The following PREX2 variants were observed in gnomAD, a reference collection of about 807,000 sequenced individuals.
PREX2 encodes phosphatidylinositol 3,4,5-trisphosphate-dependent Rac exchanger 2 protein.
PREX2 carries 107 observed loss-of-function variants against 203.2 expected under a neutral mutation model. The observed-to-expected ratio is 0.53, with a 90% CI of 0.45 to 0.62. The LOEUF is 0.62. Among genes scored for constraint, PREX2 ranks in the 20% least tolerant of loss-of-function variants. The pLI, the probability that PREX2 is intolerant of heterozygous loss-of-function variation, is 0.00. For missense variants in PREX2, 1,777 were observed against 1,955.9 expected (o/e 0.91, Z 1.72); for synonymous variants, 672 against 663.6 (o/e 1.01, Z -0.19).
intron 1 of PREX2, among the ~76,000 whole-genome samples, chr8:67,975,119 T>G (rs1398677556): frequency 6.6e-6 from 1 of 152,110 alleles, no homozygotes; most frequent in African/African-American, 2.4e-5. Flanking sequence ...GAATGGATGA[T>G]TTTTATTTTG....
chr8:68,009,120 A>G (rs1340019578), intron 1 of PREX2, among the ~76,000 whole-genome samples: 4 of 152,178 alleles, frequency 2.6e-5, no homozygotes, highest in East Asian at 3.9e-4. Flanking sequence ...GCAGCGACAG[A>G]TCTTCAGGTT....
chr8:68,131,443 A>G (rs922372055), intron 31 of PREX2, among the ~76,000 whole-genome samples: 1 of 152,220 alleles, frequency 6.6e-6, no homozygotes, highest in Admixed American at 6.5e-5. Flanking sequence ...CTGAGGCCCC[A>G]GCTTGGATCC....
chr8:67,952,701 TG>T, intron 1 of PREX2, 166 bp downstream of exon 1: 1 of 939,664 alleles, frequency 1.1e-6, no homozygotes, highest in Non-Finnish European at 1.6e-6. Context: ...GCGGGCGCGG[TG>T]ACCCCCGCGG....
intron 1 of PREX2, among the ~76,000 whole-genome samples, chr8:67,987,216 C>T (rs1806459882): frequency 6.7e-6 from 1 of 149,158 alleles, no homozygotes; most frequent in Admixed American, 6.7e-5. Flanking sequence ...TTTCTTTGCT[C>T]CTTTTTCAAG....
At chr8:68,088,640 T>C (rs985721588) in intron 19 of PREX2, among the ~76,000 whole-genome samples, 2 of 149,424 alleles carry the variant, frequency 1.3e-5, no homozygotes, top group Admixed American at 6.8e-5. Context: ...TTCATTATTG[T>C]ATGTATGATA....
chr8:68,006,300 T>G (rs372047069), intron 1 of PREX2, among the ~76,000 whole-genome samples: 45 of 152,342 alleles, frequency 3.0e-4, no homozygotes, highest in African/African-American at 1.1e-3. Flanking sequence ...CCCGCTGAGA[T>G]GCAGTATAAC....
chr8:68,087,732 A>C lies in PREX2; in HGVS notation c.2036A>C (p.Lys679Thr). The C allele has an allele frequency of 6.2e-7, 1 of 1,613,022 alleles. No individual in the cohort carries two copies. The highest frequency in any genetic ancestry group is 8.5e-7 in the Non-Finnish European group (1 of 1,179,010). The change falls in exon 19 of 40, where the codon AAA becomes ACA. Residue 679 changes from lysine to threonine, a missense_variant. Transcript: ENST00000288368. ...TTTTCTGATTGATTTAGGACAGTGA[A>C]AATTCCAGATTCAGCTGATGGACTT... ...LVSTKPRETV[K>T]IPDSADGLGF...
chr8:68,017,977 G>T, intron 2 of PREX2, 60 bp downstream of exon 2: 1 of 1,311,404 alleles, frequency 7.6e-7, no homozygotes, highest in Non-Finnish European at 1.1e-6. Context: ...AAATTTTGCT[G>T]GTGCCATGGT....
intron 1 of PREX2, among the ~76,000 whole-genome samples, chr8:68,011,809 G>T (rs1807272455): frequency 6.6e-6 from 1 of 152,116 alleles, no homozygotes; most frequent in African/African-American, 2.4e-5. Context: ...GCTGAGCTGT[G>T]AGATGAGTTT....
At chr8:68,034,894 G>T (rs1807985250) in intron 6 of PREX2, among the ~76,000 whole-genome samples, 1 of 152,064 alleles carries the variant, frequency 6.6e-6, no homozygotes, top group Admixed American at 6.6e-5. Context: ...TCTACCTTGA[G>T]ATAGAATTGA....
chr8:68,192,218 T>C lies in PREX2; in HGVS notation c.4414-117T>C. ...ATTATAAATATTAGTAGTCTCTAAT[T>C]CCATTACCACCAAAATGAAATAAAA... On this transcript the variant is annotated intron_variant, in intron 36 of 39. Coordinates refer to ENST00000288368, the MANE Select transcript of PREX2 (RefSeq NM_024870.4). 4 of 739,212 alleles carry C rather than the reference T, an allele frequency of 5.4e-6. No individual in the cohort carries two copies. In the South Asian group the frequency reaches 6.1e-5, roughly 11 times the overall value. The allele number at this position is 739,212 out of a possible 1,614,324, so 45.8% of individuals were successfully genotyped here. A position where few individuals can be genotyped will look rare whatever the true frequency, so the allele number is the denominator to read the frequency against.
At chr8:68,095,414 G>T (rs560814535) in intron 21 of PREX2, among the ~76,000 whole-genome samples, 1 of 152,134 alleles carries the variant, frequency 6.6e-6, no homozygotes. Flanking sequence ...AAAGGGGCTT[G>T]TTATAAATAA....
intron 35 of PREX2, among the ~76,000 whole-genome samples, chr8:68,177,403 A>C (rs892577491): frequency 2.6e-5 from 4 of 152,166 alleles, no homozygotes; most frequent in African/African-American, 9.7e-5. Context: ...TCATCTCTAC[A>C]AAATGTTTTA....
chr8:68,134,097 C>T lies in PREX2; in HGVS notation c.3805C>T (p.Gln1269Ter), dbSNP rs371093581. Reference protein sequence around the residue: ...TQLRRDMVFCQTLVATVCAFS... With the variant: ...TQLRRDMVFC ...GCTCCGTAGAGACATGGTTTTCTGC[C>T]AGACTCTTGTGGCCACTGTCTGTGC... is the stretch of plus-strand genomic sequence containing the variant. The change falls in exon 32 of 40, where the codon CAG (glutamine) becomes TAG (stop). Residue 1269 changes from glutamine to a stop codon, truncating the protein, a stop_gained. Coordinates refer to ENST00000288368, the MANE Select transcript of PREX2 (RefSeq NM_024870.4). LOFTEE classifies it high-confidence loss of function. 48 of 1,613,998 alleles carry T rather than the reference C, an allele frequency of 3.0e-5. No individual in the cohort carries two copies. Among genetic ancestry groups the T allele is most frequent in the Non-Finnish European group, 4.0e-5 (47 of 1,179,984 alleles).
rs143524521 is a variant in PREX2 at position 68,216,451 on chromosome 8, A to G, written c.4605-1165A>G. Among the ~76,000 whole-genome samples the G allele has an allele frequency of 2.2e-3, 330 of 152,366 alleles. 2 individuals are homozygous for G. The highest frequency in any genetic ancestry group is 7.7e-3 in the African/African-American group (319 of 41,594). On this transcript the variant is annotated intron_variant, in intron 37 of 39. Transcript: ENST00000288368. Reference sequence around the variant, plus strand: ...AAATACAAATATGTTGGAAAAAACAAAACAAAATCCATTAATACAATTTTA... The same window carrying G: ...AAATACAAATATGTTGGAAAAAACAGAACAAAATCCATTAATACAATTTTA...
At chr8:68,001,981 A>T (rs1400475479) in intron 1 of PREX2, among the ~76,000 whole-genome samples, 2 of 152,120 alleles carry the variant, frequency 1.3e-5, no homozygotes, top group African/African-American at 2.4e-5. Flanking sequence ...CAGAAAAAAT[A>T]CTAGGCTTAG....
At chr8:68,145,953 G>C (rs1410009037) in intron 33 of PREX2, among the ~76,000 whole-genome samples, 1 of 152,006 alleles carries the variant, frequency 6.6e-6, no homozygotes, top group Non-Finnish European at 1.5e-5. Context: ...TGAGACATCT[G>C]ATATGTCAAA....
At chr8:68,230,524 G>T (rs1434322440) in intron 39 of PREX2, among the ~76,000 whole-genome samples, 1 of 152,148 alleles carries the variant, frequency 6.6e-6, no homozygotes, top group Non-Finnish European at 1.5e-5. Context: ...GATCACTAGG[G>T]CTATCAAGCA....
intron 33 of PREX2, among the ~76,000 whole-genome samples, chr8:68,140,164 A>G (rs1420744461): frequency 6.6e-6 from 1 of 152,224 alleles, no homozygotes; most frequent in Admixed American, 6.5e-5. Flanking sequence ...TTAACTTTGG[A>G]ACACACACTA....
Sources: allele counts gnomAD v4.1 joint callset (sites outside exome capture counted in the v4.1 genomes callset), GRCh38; gene constraint gnomAD v4.1.1; transcripts MANE v1.5; gene names NCBI Gene and HGNC (gene_info 2026-07-23, HGNC 2026-07-21).